Variants in SH3RF3 observed in about 807,000 individuals in gnomAD.
SH3RF3 encodes E3 ubiquitin-protein ligase SH3RF3.
A neutral mutation model predicts 66.3 loss-of-function variants in SH3RF3; 29 were observed. The observed-to-expected ratio is 0.44, with a 90% CI of 0.33 to 0.60. The LOEUF (loss-of-function observed/expected upper bound fraction) is 0.60, where lower values mean the gene tolerates loss of function less well. Among genes scored for constraint, SH3RF3 ranks in the 20% least tolerant of loss-of-function variants. The pLI is 0.04. For missense variants in SH3RF3, 1,194 were observed against 1,190.9 expected (o/e 1.00, Z -0.04); for synonymous variants, 583 against 532.0 (o/e 1.10, Z -1.32).
intron 8 of SH3RF3, among the ~76,000 whole-genome samples, chr2:109,472,850 G>A (rs1224614517): frequency 2.6e-5 from 4 of 152,156 alleles, no homozygotes. Context: ...GGACAGGGTC[G>A]TGACACACTC....
At chr2:109,335,378 G>T (rs1682388636) in intron 1 of SH3RF3, among the ~76,000 whole-genome samples, 4 of 152,056 alleles carry the variant, frequency 2.6e-5, no homozygotes, top group Admixed American at 2.6e-4. Context: ...GTCTCTGCTG[G>T]GCTGTTCCAG....
intron 1 of SH3RF3, among the ~76,000 whole-genome samples, chr2:109,244,389 A>G (rs1180683996): frequency 6.6e-6 from 1 of 152,240 alleles, no homozygotes; most frequent in Non-Finnish European, 1.5e-5. Context: ...GTATTATGAA[A>G]GTAAATACTA....
chr2:109,293,225 C>T (rs776324490), intron 1 of SH3RF3, among the ~76,000 whole-genome samples: 4 of 152,218 alleles, frequency 2.6e-5, no homozygotes, highest in Admixed American at 6.5e-5. Context: ...TGCCTTAGGG[C>T]ACCCGTAGGA....
intron 1 of SH3RF3, among the ~76,000 whole-genome samples, chr2:109,321,171 C>G (rs954255765): frequency 6.6e-6 from 1 of 152,262 alleles, no homozygotes; most frequent in Non-Finnish European, 1.5e-5. Context: ...TCAAACGCTT[C>G]TTTGCAGCTC....
chr2:109,464,900 CAT>C (rs1405339872), intron 8 of SH3RF3, among the ~76,000 whole-genome samples: 21 of 152,222 alleles, frequency 1.4e-4, no homozygotes, highest in Admixed American at 4.6e-4. Context: ...TGTATAATGA[CAT>C]GTGTCCAGCA....
intron 1 of SH3RF3, among the ~76,000 whole-genome samples, chr2:109,276,793 A>T (rs892454202): frequency 6.6e-5 from 10 of 152,130 alleles, no homozygotes; most frequent in African/African-American, 2.4e-4. Context: ...TTACATATAT[A>T]TATACTACCT....
intron 1 of SH3RF3, among the ~76,000 whole-genome samples, chr2:109,330,554 A>G (rs572357853): frequency 4.9e-4 from 75 of 152,288 alleles, no homozygotes; most frequent in Non-Finnish European, 2.4e-4. Flanking sequence ...CAGGCCTGGC[A>G]CAGACAAGAT....
intron 1 of SH3RF3, among the ~76,000 whole-genome samples, chr2:109,206,591 T>C (rs1242782188): frequency 6.6e-6 from 1 of 151,010 alleles, no homozygotes; most frequent in Non-Finnish European, 1.5e-5. Flanking sequence ...GGAGGATAGC[T>C]TGAGGCTGGA....
chr2:109,478,226 T>A (rs970046808), intron 8 of SH3RF3, among the ~76,000 whole-genome samples: 3 of 152,248 alleles, frequency 2.0e-5, no homozygotes, highest in Middle Eastern at 3.2e-3. Flanking sequence ...TGGCTCCCAG[T>A]GTATTTTTCA....
chr2:109,239,181 G>A (rs1474526161), intron 1 of SH3RF3, among the ~76,000 whole-genome samples: 6 of 152,094 alleles, frequency 3.9e-5, no homozygotes, highest in Non-Finnish European at 8.8e-5. Context: ...TTTCTTCCCT[G>A]GGTGTGAGCC....
At chr2:109,205,845 A>T (rs1194901915) in intron 1 of SH3RF3, among the ~76,000 whole-genome samples, 1 of 152,198 alleles carries the variant, frequency 6.6e-6, no homozygotes, top group Non-Finnish European at 1.5e-5. Flanking sequence ...CTTGAGCCTA[A>T]AGTTGGAGTT....
chr2:109,180,425 C>G (rs770305610), intron 1 of SH3RF3, among the ~76,000 whole-genome samples: 7 of 152,200 alleles, frequency 4.6e-5, no homozygotes, highest in Non-Finnish European at 8.8e-5. Flanking sequence ...AGCCAATGAA[C>G]TGGCTCCTCA....
At chr2:109,289,856 T>A (rs1176938566) in intron 1 of SH3RF3, among the ~76,000 whole-genome samples, 1 of 152,152 alleles carries the variant, frequency 6.6e-6, no homozygotes, top group Admixed American at 6.5e-5. Flanking sequence ...GGTTTCCTCA[T>A]ATTGTGTATC....
intron 1 of SH3RF3, among the ~76,000 whole-genome samples, chr2:109,159,046 G>T (rs569328306): frequency 9.9e-5 from 15 of 152,224 alleles, no homozygotes; most frequent in Non-Finnish European, 2.2e-4. Flanking sequence ...GAACCCAGGA[G>T]GCAGAGGGTG....
At chr2:109,416,117 C>A (rs1676715249) in intron 4 of SH3RF3, among the ~76,000 whole-genome samples, 1 of 152,182 alleles carries the variant, frequency 6.6e-6, no homozygotes, top group African/African-American at 2.4e-5. Context: ...AAATAAATTC[C>A]TTTTTGTTAT....
intron 8 of SH3RF3, among the ~76,000 whole-genome samples, chr2:109,460,663 C>T (rs1559095785): frequency 6.6e-6 from 1 of 152,226 alleles, no homozygotes; most frequent in East Asian, 1.9e-4. Flanking sequence ...AATTTCACCA[C>T]ATGTTTTCCC....
intron 1 of SH3RF3, among the ~76,000 whole-genome samples, chr2:109,294,290 G>A (rs1204859214): frequency 2.6e-5 from 4 of 152,172 alleles, no homozygotes; most frequent in Non-Finnish European, 4.4e-5. Flanking sequence ...TGCCGTGTGC[G>A]GTGGTCATGC....
At chr2:109,400,588 C>CA (rs2104447804) in intron 4 of SH3RF3, among the ~76,000 whole-genome samples, 1 of 152,052 alleles carries the variant, frequency 6.6e-6, no homozygotes, top group South Asian at 2.1e-4. Context: ...CACACACACA[C>CA]ACTTGTGAAC....
At position 109,449,177 on chromosome 2, in the gene SH3RF3, C is replaced by G; in HGVS notation, c.1836C>G (p.His612Gln). 6.2e-7 allele frequency: 1 copy of G among 1,613,544 alleles called. No individual in the cohort carries two copies. Among genetic ancestry groups the G allele is most frequent in the Non-Finnish European group, 8.5e-7 (1 of 1,179,766 alleles). The part of the protein sequence containing the change: ...QARSTISTAA[H>Q]SAAQAQDRPT... The stretch of plus-strand genomic sequence containing the variant: ...CTCCAACCCCGTCTCCAGCTGCCCA[C>G]TCTGCAGCCCAGGCTCAGGACCGGC... The change falls in exon 8 of 10, where the codon CAC (histidine) becomes CAG (glutamine). Residue 612 changes from histidine to glutamine, a missense_variant. His to Gln is a conservative substitution (Grantham distance 24, BLOSUM62 0). Coordinates refer to ENST00000309415, the MANE Select transcript of SH3RF3 (RefSeq NM_001099289.3).
Sources: allele counts gnomAD v4.1 joint callset (sites outside exome capture counted in the v4.1 genomes callset), GRCh38; gene constraint gnomAD v4.1.1; transcripts MANE v1.5; gene names NCBI Gene and HGNC (gene_info 2026-07-23, HGNC 2026-07-21).